C1D: variants seen among roughly 807,000 people sequenced by gnomAD.
C1D encodes nuclear nucleic acid-binding protein C1D.
A neutral mutation model predicts 17.5 loss-of-function variants in C1D; 10 were observed. The observed-to-expected ratio is 0.57, with a 90% CI of 0.35 to 0.97. C1D has a LOEUF of 0.97. C1D is among the 50% of genes least tolerant of loss of function. C1D has a pLI of 0.01. For synonymous variants in C1D, 49 were observed against 54.0 expected (o/e 0.91, Z 0.40); for missense variants, 136 against 160.1 (o/e 0.85, Z 0.81).
At chr2:68,060,639 A>G (rs1023226967) in intron 1 of C1D, among the ~76,000 whole-genome samples, 11 of 152,004 alleles carry the variant, frequency 7.2e-5, no homozygotes, top group Non-Finnish European at 1.0e-4. Flanking sequence ...TGAGACTCCA[A>G]AAGAAAAGAG....
At chr2:68,051,840 A>T (rs183603864) in intron 1 of C1D, among the ~76,000 whole-genome samples, 8 of 150,756 alleles carry the variant, frequency 5.3e-5, no homozygotes, top group Admixed American at 4.0e-4. Context: ...CCTCCCCCAC[A>T]CTCCCTATCT....
At chr2:68,054,665 T>TA (rs1210715024) in intron 1 of C1D, among the ~76,000 whole-genome samples, 2 of 151,912 alleles carry the variant, frequency 1.3e-5, no homozygotes, top group Non-Finnish European at 2.9e-5. Flanking sequence ...GTTGAAACAT[T>TA]AAAAAGACAA....
chr2:68,051,735 C>T (rs2052360724), intron 1 of C1D, among the ~76,000 whole-genome samples: 1 of 151,096 alleles, frequency 6.6e-6, no homozygotes, highest in Admixed American at 6.6e-5. Flanking sequence ...CTTACCAATA[C>T]CTTCAGAGCT....
intron 1 of C1D, among the ~76,000 whole-genome samples, chr2:68,057,079 T>C (rs1213992495): frequency 6.6e-6 from 1 of 152,182 alleles, no homozygotes; most frequent in Non-Finnish European, 1.5e-5. Flanking sequence ...AGGTACGAGG[T>C]ACAGCTTAGA....
At chr2:68,057,469 T>G (rs755554494) in intron 1 of C1D, among the ~76,000 whole-genome samples, 1 of 152,140 alleles carries the variant, frequency 6.6e-6, no homozygotes, top group Non-Finnish European at 1.5e-5. Flanking sequence ...TCCCATTTAT[T>G]TTGAAGAAAA....
At chr2:68,052,936 A>C in intron 1 of C1D, 1 of 1,293,982 alleles carries the variant, frequency 7.7e-7, no homozygotes, top group South Asian at 1.5e-5. Flanking sequence ...GCCAGGCACT[A>C]CTCTAAGCAT....
intron 1 of C1D, among the ~76,000 whole-genome samples, chr2:68,061,839 T>C (rs1427380637): frequency 6.6e-6 from 1 of 152,228 alleles, no homozygotes; most frequent in African/African-American, 2.4e-5. Context: ...ACATTACTTT[T>C]GAACTGTGAT....
intron 1 of C1D, among the ~76,000 whole-genome samples, chr2:68,050,138 A>T (rs1671239093): frequency 6.6e-6 from 1 of 152,226 alleles, no homozygotes; most frequent in Non-Finnish European, 1.5e-5. Flanking sequence ...AATCCTTTTA[A>T]GAATCTAGCC....
At chr2:68,053,082 C>T in intron 1 of C1D, 2 of 1,550,774 alleles carry the variant, frequency 1.3e-6, no homozygotes, top group East Asian at 4.9e-5. Flanking sequence ...CCTCACCCTC[C>T]TCCGGGGTTC....
intron 2 of C1D, among the ~76,000 whole-genome samples, 177 bp downstream of exon 2, chr2:68,046,996 T>C (rs367851931): frequency 4.2e-4 from 64 of 152,278 alleles, no homozygotes; most frequent in African/African-American, 1.4e-3. Flanking sequence ...AGGTATTTCC[T>C]AAGGCTGGAG....
At position 68,054,982 on chromosome 2, in the gene C1D, A is replaced by ATTTT. The variant is rs1413416489; in HGVS notation, c.-9-7664_-9-7663insAAAA. On this transcript the variant is annotated intron_variant, in intron 1 of 4. Transcript: ENST00000410067. ...CCCACATCCTTTCTTTTTTTTTTAA[A>ATTTT]AAAAAAAAAAAGACTATTGCACTAA... 3.3e-5 allele frequency among the ~76,000 whole-genome samples: 5 copies of ATTTT among 150,894 alleles called. No homozygotes were observed. In the East Asian group the frequency reaches 9.7e-4, roughly 29 times the overall value.
intron 1 of C1D, among the ~76,000 whole-genome samples, chr2:68,049,935 AAAG>A (rs924894089): frequency 6.6e-6 from 1 of 152,230 alleles, no homozygotes; most frequent in African/African-American, 2.4e-5. Flanking sequence ...AAAATATCAC[AAAG>A]AATTAGATAG....
rs111548037 is a variant in C1D at position 68,053,762 on chromosome 2, A to G, written c.-9-6443T>C. 5.2e-3 allele frequency among the ~76,000 whole-genome samples: 796 copies of G among 152,302 alleles called. 3 individuals carry two copies. The highest frequency in any genetic ancestry group is 0.018 in the African/African-American group (759 of 41,560). Reference sequence around the variant, plus strand: ...CTCTTCCAATCCTAGAGCTGTGGCCATGATGGCAGTTTTCCAAATGTGCCG... The same window carrying G: ...CTCTTCCAATCCTAGAGCTGTGGCCGTGATGGCAGTTTTCCAAATGTGCCG... On this transcript the variant is annotated intron_variant, in intron 1 of 4. Transcript: ENST00000410067.
At chr2:68,054,563 G>C (rs1671383517) in intron 1 of C1D, among the ~76,000 whole-genome samples, 1 of 152,086 alleles carries the variant, frequency 6.6e-6, no homozygotes, top group African/African-American at 2.4e-5. Flanking sequence ...TTACTTAATT[G>C]ATTATGGATT....
Position 68,051,404 on chromosome 2 carries a change from T to C in C1D, c.-9-4085A>G, listed in dbSNP as rs544170201. Among the ~76,000 whole-genome samples, 21 of 152,088 alleles carry C rather than the reference T, an allele frequency of 1.4e-4. No individual in the cohort carries two copies. The East Asian group carries it at 4.1e-3, about 29-fold the overall frequency. On this transcript the variant is annotated intron_variant, in intron 1 of 4. Coordinates refer to ENST00000410067, the MANE Select transcript of C1D (RefSeq NM_173177.3). ...TGGGTGCAGTGGCTTATGCCTGTAATCCAAGCACTCTGGGAGGTCAAGATG... is the reference window on the plus strand; with the variant it reads ...TGGGTGCAGTGGCTTATGCCTGTAACCCAAGCACTCTGGGAGGTCAAGATG...
At chr2:68,049,434 T>C (rs1671221625) in intron 1 of C1D, among the ~76,000 whole-genome samples, 1 of 152,200 alleles carries the variant, frequency 6.6e-6, no homozygotes. Flanking sequence ...TTTCTCACTT[T>C]ATGTAGAATT....
At chr2:68,055,792 A>C (rs979968592) in intron 1 of C1D, among the ~76,000 whole-genome samples, 1 of 152,254 alleles carries the variant, frequency 6.6e-6, no homozygotes, top group Non-Finnish European at 1.5e-5. Context: ...AGTAGCCTCC[A>C]CAAATTATTA....
intron 1 of C1D, among the ~76,000 whole-genome samples, chr2:68,058,133 A>G (rs1671492651): frequency 6.6e-6 from 1 of 152,230 alleles, no homozygotes; most frequent in Non-Finnish European, 1.5e-5. Flanking sequence ...ACTTATTGCA[A>G]AATGTCATGT....
At chr2:68,046,483 T>C in intron 2 of C1D, 73 bp from the exon 3 acceptor site, 2 of 1,030,308 alleles carry the variant, frequency 1.9e-6, no homozygotes, top group Non-Finnish European at 1.5e-6. Context: ...TTGAACACCA[T>C]CTGATAACAT....
Sources: allele counts gnomAD v4.1 joint callset (sites outside exome capture counted in the v4.1 genomes callset), GRCh38; gene constraint gnomAD v4.1.1; transcripts MANE v1.5; gene names NCBI Gene and HGNC (gene_info 2026-07-23, HGNC 2026-07-21).